Variants in ZNF595 observed in about 807,000 individuals in gnomAD.
The protein encoded by ZNF595 is zinc finger protein 595.
In ZNF595, 9 loss-of-function variants were observed where a neutral mutation model predicts 19.4. The observed-to-expected ratio is 0.46, with a 90% CI of 0.28 to 0.81. The LOEUF (loss-of-function observed/expected upper bound fraction) is 0.81, where lower values mean the gene tolerates loss of function less well. Ranked by LOEUF, ZNF595 falls within the 30% of genes least tolerant of loss-of-function variation. ZNF595 has a pLI of 0.11. For missense variants in ZNF595, 729 were observed against 736.0 expected (o/e 0.99, Z 0.11); for synonymous variants, 255 against 255.9 (o/e 1.00, Z 0.03).
intron 3 of ZNF595, among the ~76,000 whole-genome samples, chr4:83,651 A>AAAGAAAG (rs1446078710): frequency 1.3e-5 from 2 of 150,020 alleles, no homozygotes; most frequent in African/African-American, 4.9e-5. Flanking sequence ...AAAAAGAAAG[A>AAAGAAAG]AAGAAAGAAA....
At position 87,563 on chromosome 4, in the gene ZNF595, T is replaced by TAC; in HGVS notation, c.*112_*113insAC. Reference sequence around the variant, plus strand: ...TTTCTTATTTTAAATTTTTTAAAATTTCTGTAGGTACATAGTATGTGTATC... The same window carrying TAC: ...TTTCTTATTTTAAATTTTTTAAAATTACTCTGTAGGTACATAGTATGTGTATC... On this transcript the variant is annotated 3_prime_UTR_variant, in exon 4 of 4. Coordinates refer to ENST00000610261, the MANE Select transcript of ZNF595 (RefSeq NM_182524.4). The TAC allele has an allele frequency of 9.8e-7, 1 of 1,018,070 alleles. No homozygotes were observed. The allele number at this position is 1,018,070 out of a possible 1,614,324, so 63.1% of individuals were successfully genotyped here.
intron 3 of ZNF595, among the ~76,000 whole-genome samples, chr4:71,755 T>C (rs952501345): frequency 3.3e-5 from 5 of 152,198 alleles, no homozygotes; most frequent in African/African-American, 1.2e-4. Context: ...TTCCATGTTT[T>C]AGAGACACAT....
At chr4:68,573 T>C (rs1477637668) in intron 3 of ZNF595, 2 of 152,290 alleles carry the variant, frequency 1.3e-5, no homozygotes, top group Non-Finnish European at 2.9e-5. Flanking sequence ...GGACCAGTGG[T>C]GTTTGTTTTT....
chr4:57,747 A>G (rs12108494), intron 1 of ZNF595, among the ~76,000 whole-genome samples: 17 of 150,616 alleles, frequency 1.1e-4, no homozygotes, highest in African/African-American at 3.7e-4. Context: ...TTTTGATACC[A>G]CCACCTGCAT....
At chr4:66,430 A>G (rs1167497569) in intron 3 of ZNF595, among the ~76,000 whole-genome samples, 1 of 151,696 alleles carries the variant, frequency 6.6e-6, no homozygotes, top group Non-Finnish European at 1.5e-5. Flanking sequence ...CTAAAACTTT[A>G]ATGTGGAGAG....
intron 3 of ZNF595, among the ~76,000 whole-genome samples, chr4:77,450 G>T (rs1222737255): frequency 6.6e-6 from 1 of 152,020 alleles, no homozygotes; most frequent in East Asian, 1.9e-4. Flanking sequence ...GGTTCCTTTG[G>T]TGGTGGTATG....
chr4:66,866 TG>T (rs1178538859), intron 3 of ZNF595, among the ~76,000 whole-genome samples: 2 of 151,956 alleles, frequency 1.3e-5, no homozygotes, highest in African/African-American at 4.8e-5. Flanking sequence ...CAGGAAACGT[TG>T]TGCATGTAAC....
chr4:83,197 T>A (rs1487593074), intron 3 of ZNF595, among the ~76,000 whole-genome samples: 4 of 152,202 alleles, frequency 2.6e-5, no homozygotes, highest in African/African-American at 9.6e-5. Flanking sequence ...ATGGGAGTTT[T>A]TGACTTTAGA....
At chr4:60,975 C>T (rs1198256776) in intron 3 of ZNF595, among the ~76,000 whole-genome samples, 1,258 of 136,726 alleles carry the variant, frequency 9.2e-3, no homozygotes, top group Middle Eastern at 0.016. Context: ...TTGGGACACA[C>T]TTAAAATTAT....
intron 3 of ZNF595, among the ~76,000 whole-genome samples, chr4:81,071 G>A (rs1372586259): frequency 1.3e-5 from 2 of 152,110 alleles, no homozygotes; most frequent in African/African-American, 2.4e-5. Context: ...TTATGAATGA[G>A]AACATGTGGT....
intron 3 of ZNF595, among the ~76,000 whole-genome samples, chr4:69,961 C>G (rs150666954): frequency 6.6e-6 from 1 of 152,140 alleles, no homozygotes; most frequent in African/African-American, 2.4e-5. Flanking sequence ...TACACTGATA[C>G]ACAGATATTC....
intron 3 of ZNF595, among the ~76,000 whole-genome samples, chr4:82,628 C>T (rs1713965528): frequency 6.6e-6 from 1 of 152,000 alleles, no homozygotes; most frequent in African/African-American, 2.4e-5. Context: ...AAGTGATCTG[C>T]TTGCCTTGGC....
intron 3 of ZNF595, among the ~76,000 whole-genome samples, chr4:83,220 A>C (rs1324386375): frequency 6.6e-6 from 1 of 152,156 alleles, no homozygotes; most frequent in Non-Finnish European, 1.5e-5. Context: ...TACTTTGGGT[A>C]ATATAATTTT....
chr4:86,801 T>C lies in ZNF595; in HGVS notation c.1297T>C (p.Phe433Leu), dbSNP rs575617079. 1.7e-5 allele frequency: 27 copies of C among 1,613,884 alleles called. 1 individual carries two copies. In the East Asian group the frequency reaches 5.8e-4, roughly 35 times the overall value. ...CACGTGCGAAGAATGTGGCAAAGCT[T>C]TTAACCAATCCTCAACTCTTATATT... The part of the protein sequence containing the change: ...PYTCEECGKA[F>L]NQSSTLILHK... Residue 433 changes from phenylalanine (F) to leucine (L), a missense_variant, in exon 4 of 4, where the codon TTT becomes CTT. By Grantham distance (22) the Phe-to-Leu change is conservative (BLOSUM62 0). Transcript: ENST00000610261.
intron 3 of ZNF595, among the ~76,000 whole-genome samples, chr4:81,492 A>G (rs540245102): frequency 7.9e-4 from 120 of 152,298 alleles, no homozygotes; most frequent in African/African-American, 2.8e-3. Flanking sequence ...TGTGATTTGA[A>G]GATAATTTCA....
chr4:79,156 CTT>C (rs1365179652), intron 3 of ZNF595, among the ~76,000 whole-genome samples: 1 of 152,128 alleles, frequency 6.6e-6, no homozygotes, highest in African/African-American at 2.4e-5. Context: ...TTTACTTACT[CTT>C]TCTATAATTT....
At chr4:72,729 C>T (rs1713482927) in intron 3 of ZNF595, among the ~76,000 whole-genome samples, 1 of 152,106 alleles carries the variant, frequency 6.6e-6, no homozygotes. Flanking sequence ...TCCATTTCTC[C>T]TGTGAACATA....
At chr4:80,302 C>G (rs553295310) in intron 3 of ZNF595, among the ~76,000 whole-genome samples, 2 of 152,242 alleles carry the variant, frequency 1.3e-5, no homozygotes, top group East Asian at 3.9e-4. Context: ...TATAGGCGTG[C>G]GCCACCGCGC....
At chr4:84,901 C>G (rs61447907) in intron 3 of ZNF595, among the ~76,000 whole-genome samples, 1 of 151,856 alleles carries the variant, frequency 6.6e-6, no homozygotes, top group Non-Finnish European at 1.5e-5. Flanking sequence ...ATCTTCATTT[C>G]TTATGGTTGT....
Sources: allele counts gnomAD v4.1 joint callset (sites outside exome capture counted in the v4.1 genomes callset), GRCh38; gene constraint gnomAD v4.1.1; transcripts MANE v1.5; gene names NCBI Gene and HGNC (gene_info 2026-07-23, HGNC 2026-07-21).